The following FSTL5 variants were observed in gnomAD, a reference collection of about 807,000 sequenced individuals.
The protein encoded by FSTL5 is follistatin like 5, also known as follistatin-related protein 5.
FSTL5 carries 62 observed loss-of-function variants against 89.1 expected under a neutral mutation model. The ratio of observed to expected loss-of-function variants is 0.70; its 90% CI spans 0.57 to 0.86. The LOEUF is 0.86. Among genes scored for constraint, FSTL5 ranks in the 40% least tolerant of loss-of-function variants. FSTL5 has a pLI of 0.00. For missense variants in FSTL5, 1,057 were observed against 1,001.6 expected, an observed-to-expected ratio of 1.06 and a Z score of -0.75; for synonymous variants, 383 against 346.2, an observed-to-expected ratio of 1.11 and a Z score of -1.18.
chr4:161,651,890 A>G (rs1475951985), intron 7 of FSTL5, among the ~76,000 whole-genome samples: 1 of 152,214 alleles, frequency 6.6e-6, no homozygotes, highest in Non-Finnish European at 1.5e-5. Context: ...AGACGAAATG[A>G]AAGTCTTCAA....
chr4:161,591,209 A>C (rs1203929697), intron 7 of FSTL5, among the ~76,000 whole-genome samples: 2 of 152,200 alleles, frequency 1.3e-5, no homozygotes, highest in Non-Finnish European at 1.5e-5. Context: ...AGCCAGACAC[A>C]AAAAGCCACA....
intron 12 of FSTL5, among the ~76,000 whole-genome samples, chr4:161,481,477 C>A (rs1729504785): frequency 6.6e-6 from 1 of 151,984 alleles, no homozygotes; most frequent in African/African-American, 2.4e-5. Context: ...CAACATCTTT[C>A]CTCAAATTTT....
At chr4:161,908,807 C>T (rs560445888) in intron 4 of FSTL5, among the ~76,000 whole-genome samples, 29 of 152,220 alleles carry the variant, frequency 1.9e-4, no homozygotes, top group Middle Eastern at 3.4e-3. Flanking sequence ...ATAATGTTTA[C>T]TTATGGCTTG....
intron 3 of FSTL5, among the ~76,000 whole-genome samples, chr4:161,978,300 T>C (rs916905463): frequency 4.6e-5 from 7 of 152,168 alleles, no homozygotes; most frequent in African/African-American, 1.7e-4. Flanking sequence ...TGATGTTTTC[T>C]AAAATGTTAA....
At chr4:161,787,519 T>C (rs1168375639) in intron 4 of FSTL5, among the ~76,000 whole-genome samples, 1 of 152,098 alleles carries the variant, frequency 6.6e-6, no homozygotes, top group African/African-American at 2.4e-5. Flanking sequence ...AAAGAAGAAA[T>C]GAAGATGGTT....
intron 7 of FSTL5, among the ~76,000 whole-genome samples, chr4:161,611,057 G>A (rs910353563): frequency 1.3e-5 from 2 of 150,942 alleles, no homozygotes; most frequent in African/African-American, 2.4e-5. Flanking sequence ...AATAAACTGA[G>A]ACACAGATGA....
chr4:161,867,288 C>T (rs560573415), intron 4 of FSTL5, among the ~76,000 whole-genome samples: 2 of 152,056 alleles, frequency 1.3e-5, no homozygotes, highest in Non-Finnish European at 2.9e-5. Context: ...TATATACTCT[C>T]TTAAAGTTAA....
At chr4:161,541,793 G>A (rs1319265657) in intron 9 of FSTL5, among the ~76,000 whole-genome samples, 1 of 151,812 alleles carries the variant, frequency 6.6e-6, no homozygotes, top group African/African-American at 2.4e-5. Flanking sequence ...CCAGTAAAAT[G>A]AGTGTTGTGT....
At chr4:161,565,928 A>T (rs950472104) in intron 8 of FSTL5, among the ~76,000 whole-genome samples, 2 of 151,192 alleles carry the variant, frequency 1.3e-5, no homozygotes, top group African/African-American at 4.9e-5. Flanking sequence ...TTGGGTATAT[A>T]TGTAGGAGTA....
intron 4 of FSTL5, among the ~76,000 whole-genome samples, chr4:161,839,808 G>C (rs1341859775): frequency 6.6e-6 from 1 of 152,096 alleles, no homozygotes; most frequent in African/African-American, 2.4e-5. Context: ...GTATGCATTT[G>C]CTAAAATTCA....
rs538699689 is a variant in FSTL5, at chr4:161,809,276, A to G, written c.410-33202T>C. 2.0e-5 allele frequency among the ~76,000 whole-genome samples: 3 copies of G among 152,226 alleles called. No homozygotes were observed. In the South Asian group the frequency reaches 6.2e-4, roughly 32 times the overall value. On this transcript the variant is annotated intron_variant, in intron 4 of 15. Transcript: ENST00000306100. ...TACAATGAGCTATAACATCACACCA[A>G]TTAGAATTCTATGAGGATGACCACT...
At chr4:161,761,256 A>G (rs547917935) in intron 5 of FSTL5, among the ~76,000 whole-genome samples, 84 of 152,222 alleles carry the variant, frequency 5.5e-4, no homozygotes, top group Non-Finnish European at 9.0e-4. Context: ...TATAAGCCTA[A>G]TAAAAATACA....
At chr4:161,887,330 C>T (rs1337663456) in intron 4 of FSTL5, among the ~76,000 whole-genome samples, 1 of 152,086 alleles carries the variant, frequency 6.6e-6, no homozygotes, top group African/African-American at 2.4e-5. Flanking sequence ...TCTAGGAACA[C>T]TTAGAAAGCA....
chr4:161,473,297 G>C (rs1734013113), intron 13 of FSTL5, among the ~76,000 whole-genome samples: 1 of 151,978 alleles, frequency 6.6e-6, no homozygotes, highest in Admixed American at 6.6e-5. Flanking sequence ...AATTCTGTCA[G>C]CTTTTGCTTC....
intron 8 of FSTL5, among the ~76,000 whole-genome samples, chr4:161,578,574 T>G (rs2126595855): frequency 6.6e-6 from 1 of 152,178 alleles, no homozygotes; most frequent in South Asian, 2.1e-4. Flanking sequence ...GCCAAACGTT[T>G]ATTCAAAGGT....
At chr4:161,456,559 T>C (rs914656611) in intron 14 of FSTL5, among the ~76,000 whole-genome samples, 1 of 152,216 alleles carries the variant, frequency 6.6e-6, no homozygotes, top group African/African-American at 2.4e-5. Context: ...TCTTTTAACA[T>C]GATGGCATGG....
At position 161,967,093 on chromosome 4, in the gene FSTL5, C is replaced by A. The variant is rs377489104; in HGVS notation, c.161-46441G>T. Among the ~76,000 whole-genome samples the A allele has an allele frequency of 1.7e-3, 248 of 148,554 alleles. 1 individual carries two copies. Among genetic ancestry groups the A allele is most frequent in the African/African-American group, 5.9e-3 (238 of 40,300 alleles). ...TTTCTGTTTCACAAAAAAAAAAAAACTGTTTCATAAAAATAAAATTTTACA... is the reference window on the plus strand; with the variant it reads ...TTTCTGTTTCACAAAAAAAAAAAAAATGTTTCATAAAAATAAAATTTTACA... On this transcript the variant is annotated intron_variant, in intron 3 of 15. Transcript: ENST00000306100.
At chr4:161,784,049 C>T (rs1035893513) in intron 4 of FSTL5, among the ~76,000 whole-genome samples, 3 of 151,752 alleles carry the variant, frequency 2.0e-5, no homozygotes, top group Admixed American at 2.0e-4. Context: ...TATTCCCCTG[C>T]CTCAGCCTCT....
intron 7 of FSTL5, among the ~76,000 whole-genome samples, chr4:161,630,375 T>G (rs955127440): frequency 1.6e-4 from 24 of 152,342 alleles, no homozygotes; most frequent in African/African-American, 9.6e-5. Flanking sequence ...TATCAGCTAC[T>G]ATGGCACCTG....
Sources: gnomAD v4.1 joint callset for allele counts (sites outside exome capture counted in the v4.1 genomes callset) on GRCh38, gnomAD v4.1.1 for gene constraint, MANE v1.5 for transcripts, NCBI Gene and HGNC (gene_info 2026-07-23, HGNC 2026-07-21) for gene names.